SEC24D: variants seen among roughly 807,000 people sequenced by gnomAD.
SEC24D encodes SEC24 homolog D, COPII component.
In SEC24D, 69 loss-of-function variants were observed where a neutral mutation model predicts 116.9. The ratio of observed to expected loss-of-function variants is 0.59; its 90% CI spans 0.49 to 0.72. The LOEUF is 0.72. Among genes scored for constraint, SEC24D ranks in the 30% least tolerant of loss-of-function variants. The pLI, the probability that SEC24D is intolerant of heterozygous loss-of-function variation, is 0.00. For missense variants in SEC24D, 1,131 were observed against 1,264.1 expected (o/e 0.89, Z 1.60); for synonymous variants, 405 against 442.8 (o/e 0.91, Z 1.07).
intron 8 of SEC24D, among the ~76,000 whole-genome samples, chr4:118,775,676 T>A (rs1728100139): frequency 6.6e-6 from 1 of 152,148 alleles, no homozygotes; most frequent in Non-Finnish European, 1.5e-5. Context: ...CTAAAATCTG[T>A]TGTTACTACA....
In SEC24D at chr4:118,723,453, T is replaced by G; in HGVS notation, c.*62A>C. Reference sequence around the variant, plus strand: ...AACTAGCCTATTATCATCTAGAAAATTAGGCACCAAGAAGGAGATTATCTC... The same window carrying G: ...AACTAGCCTATTATCATCTAGAAAAGTAGGCACCAAGAAGGAGATTATCTC... On this transcript the variant is annotated 3_prime_UTR_variant, in exon 23 of 23. Coordinates refer to ENST00000280551, the MANE Select transcript of SEC24D (RefSeq NM_014822.4). The G allele has an allele frequency of 6.0e-6, 9 of 1,496,520 alleles. 1 individual carries two copies. The highest frequency in any genetic ancestry group is 5.0e-5 in the South Asian group (4 of 80,186). The allele number at this position is 1,496,520 out of a possible 1,614,324, so 92.7% of individuals were successfully genotyped here. A position where few individuals can be genotyped will look rare whatever the true frequency, so the allele number is the denominator to read the frequency against.
intron 21 of SEC24D, 194 bp downstream of exon 21, chr4:118,731,122 G>T: frequency 1.7e-6 from 1 of 573,988 alleles, no homozygotes; most frequent in Non-Finnish European, 3.1e-6. Context: ...TATTTTAGTT[G>T]TTTGAAAGTA....
chr4:118,777,327 C>T (rs991482717), intron 8 of SEC24D, among the ~76,000 whole-genome samples: 5 of 152,136 alleles, frequency 3.3e-5, no homozygotes, highest in East Asian at 1.9e-4. Context: ...CAAGTGTTCT[C>T]ATTGTTCAAT....
intron 8 of SEC24D, among the ~76,000 whole-genome samples, chr4:118,777,862 T>G (rs2110482887): frequency 6.6e-6 from 1 of 152,374 alleles, no homozygotes; most frequent in Non-Finnish European, 1.5e-5. Context: ...TGATGACCAG[T>G]GATGATGAGC....
chr4:118,809,133 C>T (rs552679940), intron 6 of SEC24D, among the ~76,000 whole-genome samples: 2 of 152,252 alleles, frequency 1.3e-5, no homozygotes, highest in Non-Finnish European at 1.5e-5. Context: ...ACTACCACGC[C>T]CGGCTATATT....
chr4:118,803,187 G>A (rs1393484653), intron 7 of SEC24D, among the ~76,000 whole-genome samples: 1 of 152,060 alleles, frequency 6.6e-6, no homozygotes, highest in Non-Finnish European at 1.5e-5. Context: ...GAATGATTTG[G>A]TTGCACAACA....
At chr4:118,823,968 A>C in intron 3 of SEC24D, among the ~76,000 whole-genome samples, 1 of 152,200 alleles carries the variant, frequency 6.6e-6, no homozygotes, top group East Asian at 1.9e-4. Flanking sequence ...GGATCCAAGA[A>C]AATAGAATGA....
intron 18 of SEC24D, 112 bp downstream of exon 18, chr4:118,739,037 C>T: frequency 3.1e-6 from 3 of 968,350 alleles, no homozygotes; most frequent in Non-Finnish European, 4.8e-6. Flanking sequence ...TTTATTAGTT[C>T]TGAATTTACC....
chr4:118,748,127 G>A (rs552345515), intron 13 of SEC24D, among the ~76,000 whole-genome samples: 7 of 152,204 alleles, frequency 4.6e-5, no homozygotes, highest in South Asian at 2.1e-4. Context: ...TAGCTGGGGC[G>A]TGGTGGCACA....
At chr4:118,759,028 C>T (rs1727244017) in intron 10 of SEC24D, among the ~76,000 whole-genome samples, 1 of 152,162 alleles carries the variant, frequency 6.6e-6, no homozygotes, top group Non-Finnish European at 1.5e-5. Flanking sequence ...AAATCAAAAC[C>T]TCTTTGTGAC....
intron 8 of SEC24D, among the ~76,000 whole-genome samples, chr4:118,793,229 A>C (rs1729012097): frequency 6.6e-6 from 1 of 152,084 alleles, no homozygotes; most frequent in Non-Finnish European, 1.5e-5. Context: ...GCACTTTGGG[A>C]GGCCGAGGCG....
intron 9 of SEC24D, among the ~76,000 whole-genome samples, chr4:118,767,557 CAT>C (rs1426277868): frequency 6.6e-6 from 1 of 152,178 alleles, no homozygotes; most frequent in East Asian, 1.9e-4. Context: ...AATATATAGA[CAT>C]GTTATAAATG....
intron 8 of SEC24D, among the ~76,000 whole-genome samples, chr4:118,777,466 T>C (rs931128085): frequency 8.5e-5 from 13 of 152,240 alleles, no homozygotes; most frequent in Admixed American, 2.0e-4. Context: ...TATGGCTGCA[T>C]AGTATTCCAT....
In SEC24D at chr4:118,824,644, T is replaced by A; in HGVS notation, c.224A>T (p.His75Leu). 1 of 1,603,382 alleles carries A rather than the reference T, an allele frequency of 6.2e-7. No homozygotes were observed. The highest frequency in any genetic ancestry group is 2.2e-5 in the East Asian group (1 of 44,502). ...GPHQFGQNGA[H>L]ATGHPPQRFP... ...CCTTTGGGGAGGGTGACCAGTGGCA[T>A]GAGCTCCATTCTGACCAAACTGATG... The change falls in exon 3 of 23, where the codon CAT becomes CTT. Residue 75 changes from histidine to leucine, a missense_variant. Physicochemically the swap from His to Leu is moderately conservative, Grantham distance 99. Transcript: ENST00000280551.
At chr4:118,834,233 C>T (rs143851902) in intron 1 of SEC24D, among the ~76,000 whole-genome samples, 5 of 152,216 alleles carry the variant, frequency 3.3e-5, no homozygotes, top group African/African-American at 1.2e-4. Flanking sequence ...AATCATAGTC[C>T]AACAAACATA....
At position 118,768,300 on chromosome 4, in the gene SEC24D, G is replaced by A; in HGVS notation, c.1053C>T (p.Tyr351=). 1 of 1,612,240 alleles carries A rather than the reference G, an allele frequency of 6.2e-7. No individual in the cohort carries two copies. Among genetic ancestry groups the A allele is most frequent in the Non-Finnish European group, 8.5e-7 (1 of 1,179,040 alleles). The change falls in exon 9 of 23, where the codon TAC becomes TAT. Residue 351 remains tyrosine, a synonymous_variant. Transcript: ENST00000280551. ...GTCCACTCTCGCCGTGATTTACCAA[G>A]TAAAGGGGACTCTATGGAGAAGCAA... The part of the protein sequence containing the change: ...ATIPSNESPL[Y]LVNHGESGPV...
chr4:118,779,917 T>C (rs936520295), intron 8 of SEC24D, among the ~76,000 whole-genome samples: 9 of 152,212 alleles, frequency 5.9e-5, no homozygotes, highest in Non-Finnish European at 1.0e-4. Context: ...TTCCTGATGG[T>C]AGTTTGTATT....
intron 7 of SEC24D, among the ~76,000 whole-genome samples, chr4:118,804,219 T>C (rs553959295): frequency 6.6e-6 from 1 of 152,340 alleles, no homozygotes; most frequent in South Asian, 2.1e-4. Flanking sequence ...ATTAAAGGGC[T>C]GAGAGTCATA....
At chr4:118,724,142 T>A (rs926189879) in intron 22 of SEC24D, among the ~76,000 whole-genome samples, 13 of 152,192 alleles carry the variant, frequency 8.5e-5, no homozygotes, top group African/African-American at 3.1e-4. Context: ...CAGCAGTATG[T>A]ACAATACATT....
Sources: allele counts gnomAD v4.1 joint callset (sites outside exome capture counted in the v4.1 genomes callset), GRCh38; gene constraint gnomAD v4.1.1; transcripts MANE v1.5; gene names NCBI Gene and HGNC (gene_info 2026-07-23, HGNC 2026-07-21).